CELF4: variants seen among roughly 807,000 people sequenced by gnomAD.
The protein encoded by CELF4 is CUG-BP- and ETR-3-like factor 4.
A neutral mutation model predicts 59.9 loss-of-function variants in CELF4; 18 were observed. That is an observed-to-expected ratio of 0.30 (90% CI 0.21 to 0.45). The LOEUF (loss-of-function observed/expected upper bound fraction) is 0.45. CELF4 is among the 20% of genes least tolerant of loss of function. CELF4 has a pLI of 1.00. For missense variants in CELF4, 456 were observed against 689.0 expected, an observed-to-expected ratio of 0.66 and a Z score of 3.79; for synonymous variants, 261 against 267.1, an observed-to-expected ratio of 0.98 and a Z score of 0.22.
chr18:37,535,523 A>G (rs1459440513), intron 1 of CELF4, among the ~76,000 whole-genome samples: 1 of 152,194 alleles, frequency 6.6e-6, no homozygotes, highest in Non-Finnish European at 1.5e-5. Flanking sequence ...GTCTACAGTG[A>G]TCATGAGAGT....
intron 1 of CELF4, among the ~76,000 whole-genome samples, chr18:37,521,193 C>A (rs2099957003): frequency 6.6e-6 from 1 of 152,176 alleles, no homozygotes; most frequent in South Asian, 2.1e-4. Context: ...CGTTTCCTCA[C>A]AGCAAAGTGG....
At chr18:37,460,932 C>T (rs2099791705) in intron 2 of CELF4, among the ~76,000 whole-genome samples, 1 of 152,188 alleles carries the variant, frequency 6.6e-6, no homozygotes, top group South Asian at 2.1e-4. Context: ...TGGAAAATGA[C>T]ACTGAGATTC....
chr18:37,420,365 G>A (rs558375657), intron 2 of CELF4, among the ~76,000 whole-genome samples: 33 of 152,368 alleles, frequency 2.2e-4, no homozygotes, highest in African/African-American at 7.9e-4. Context: ...ACAGCACTTA[G>A]CTCACAGTTC....
chr18:37,462,771 A>C (rs528639392), intron 2 of CELF4, among the ~76,000 whole-genome samples: 2 of 151,836 alleles, frequency 1.3e-5, no homozygotes, highest in South Asian at 4.2e-4. Context: ...CAAATTTGCA[A>C]ACTTTCTTAA....
chr18:37,536,231 G>A (rs1011072574), intron 1 of CELF4, among the ~76,000 whole-genome samples: 1 of 151,984 alleles, frequency 6.6e-6, no homozygotes, highest in Non-Finnish European at 1.5e-5. Flanking sequence ...GATGGGAGGG[G>A]TGGGGTGGCA....
intron 2 of CELF4, among the ~76,000 whole-genome samples, chr18:37,449,328 A>G (rs1468053493): frequency 6.6e-6 from 1 of 152,068 alleles, no homozygotes; most frequent in African/African-American, 2.4e-5. Context: ...GGACAGCGGG[A>G]TCATGGGGGA....
Position 37,254,176 on chromosome 18 carries a change from C to T in CELF4, c.1334-238G>A, listed in dbSNP as rs1392000108. On this transcript the variant is annotated intron_variant, in intron 11 of 12. Transcript: ENST00000420428. The surrounding 1 kb of genome is among the most constrained non-coding windows in gnomAD (Gnocchi z 5.1). ...CTGACCTGCGCCTAGTCTCTGGCCG[C>T]GTCACTCGCCCGGCGCCCGCTCCCC... is the stretch of plus-strand genomic sequence containing the variant. Among the ~76,000 whole-genome samples the T allele has an allele frequency of 2.0e-5, 3 of 151,056 alleles. No individual in the cohort carries two copies. The highest frequency in any genetic ancestry group is 2.1e-4 in the South Asian group (1 of 4,834).
chr18:37,527,975 A>T (rs1346615222), intron 1 of CELF4, among the ~76,000 whole-genome samples: 1 of 152,220 alleles, frequency 6.6e-6, no homozygotes, highest in Non-Finnish European at 1.5e-5. Context: ...TTCCTAGCAC[A>T]GTTTTAACAC....
rs570922938 is a variant in CELF4 at position 37,469,562 on chromosome 18, G to A, written c.369+15963C>T. On this transcript the variant is annotated intron_variant, in intron 2 of 12. Transcript: ENST00000420428. ...CCCAGGCACAAGGATTTAACTAAAC[G>A]CCACAGATAATTAGATCAGTTAACC... Among the ~76,000 whole-genome samples, 7 of 152,278 alleles carry A rather than the reference G, an allele frequency of 4.6e-5. No homozygotes were observed. In the South Asian group the frequency reaches 6.2e-4, roughly 14 times the overall value.
chr18:37,304,614 T>C (rs1052049218), intron 3 of CELF4, among the ~76,000 whole-genome samples: 17 of 152,252 alleles, frequency 1.1e-4, no homozygotes, highest in African/African-American at 3.9e-4. Flanking sequence ...CCAGTCCACC[T>C]GGGGAGAGGC....
chr18:37,324,512 G>T (rs901214573), intron 2 of CELF4, among the ~76,000 whole-genome samples: 1 of 152,182 alleles, frequency 6.6e-6, no homozygotes, highest in Non-Finnish European at 1.5e-5. Context: ...TCCAGCCTCC[G>T]GAGCTGTGAG....
intron 2 of CELF4, among the ~76,000 whole-genome samples, chr18:37,384,776 A>G (rs1216629906): frequency 1.3e-5 from 2 of 152,218 alleles, no homozygotes; most frequent in Non-Finnish European, 2.9e-5. Flanking sequence ...ACTCATGAGC[A>G]GAATGGCTAA....
intron 8 of CELF4, among the ~76,000 whole-genome samples, chr18:37,269,911 G>C (rs1479095073): frequency 1.3e-5 from 2 of 152,132 alleles, no homozygotes; most frequent in Non-Finnish European, 2.9e-5. Context: ...CCCTTTCACA[G>C]CACAAACTGA....
intron 3 of CELF4, among the ~76,000 whole-genome samples, chr18:37,283,862 C>A (rs1013622456): frequency 8.7e-6 from 1 of 114,818 alleles, no homozygotes; most frequent in Non-Finnish European, 1.9e-5. Flanking sequence ...GGGAACAGCA[C>A]GTGCAAAAGC....
chr18:37,480,293 G>A (rs950615438), intron 2 of CELF4, among the ~76,000 whole-genome samples: 5 of 152,174 alleles, frequency 3.3e-5, no homozygotes, highest in Admixed American at 3.3e-4. Context: ...CAGACTCACT[G>A]TTCAGAGACA....
At chr18:37,511,701 G>A (rs940370539) in intron 1 of CELF4, among the ~76,000 whole-genome samples, 22 of 151,896 alleles carry the variant, frequency 1.4e-4, no homozygotes, top group Non-Finnish European at 1.5e-5. Context: ...AAGGCAGGAG[G>A]TAGGTGGGAT....
At chr18:37,399,784 C>T (rs368501867) in intron 2 of CELF4, among the ~76,000 whole-genome samples, 60 of 152,304 alleles carry the variant, frequency 3.9e-4, no homozygotes, top group South Asian at 1.9e-3. Flanking sequence ...AAGACGCTTG[C>T]CCATCTAACT....
chr18:37,544,246 G>A (rs771951563), intron 1 of CELF4, among the ~76,000 whole-genome samples: 3 of 150,384 alleles, frequency 2.0e-5, no homozygotes, highest in East Asian at 3.9e-4. Context: ...AAATCACTGC[G>A]TTCCACGTTC....
At chr18:37,353,245 T>C (rs2098495095) in intron 2 of CELF4, among the ~76,000 whole-genome samples, 1 of 145,286 alleles carries the variant, frequency 6.9e-6, no homozygotes, top group Non-Finnish European at 1.5e-5. Context: ...TATATATATA[T>C]ATATACATAA....
Sources: gnomAD v4.1 joint callset for allele counts (sites outside exome capture counted in the v4.1 genomes callset) on GRCh38, gnomAD v4.1.1 for gene constraint, Gnocchi (gnomAD v3.1) non-coding constraint, MANE v1.5 for transcripts, NCBI Gene and HGNC (gene_info 2026-07-23, HGNC 2026-07-21) for gene names.